CNTNAP2: variants seen among roughly 807,000 people sequenced by gnomAD.
CNTNAP2 encodes contactin associated protein 2, also known as contactin-associated protein-like 2.
In CNTNAP2, 98 loss-of-function variants were observed where a neutral mutation model predicts 155.2. That is an observed-to-expected ratio of 0.63 (90% confidence interval 0.54 to 0.75). The LOEUF (loss-of-function observed/expected upper bound fraction) is 0.75. Ranked by LOEUF, CNTNAP2 falls within the 30% of genes least tolerant of loss-of-function variation. CNTNAP2 has a pLI of 0.00. For synonymous variants in CNTNAP2, 651 were observed against 631.2 expected (o/e 1.03, Z -0.47); for missense variants, 1,727 against 1,688.1 (o/e 1.02, Z -0.40).
chr7:146,289,688 A>G lies in CNTNAP2; in HGVS notation c.97+172715A>G, dbSNP rs551974985. Among the ~76,000 whole-genome samples, 84 of 152,340 alleles carry G rather than the reference A, an allele frequency of 5.5e-4. No homozygotes were observed. In the South Asian group the frequency reaches 7.0e-3, roughly 13 times the overall value. On this transcript the variant is annotated intron_variant, in intron 1 of 23. Coordinates refer to ENST00000361727, the MANE Select transcript of CNTNAP2 (RefSeq NM_014141.6). ...TATATTCCAAATCGTATTTAAAATT[A>G]ATTTACTCTTTTATCAGAACAAAGA... is the stretch of plus-strand genomic sequence containing the variant.
chr7:147,717,322 C>G (rs1402853783), intron 13 of CNTNAP2, among the ~76,000 whole-genome samples: 1 of 152,106 alleles, frequency 6.6e-6, no homozygotes, highest in Non-Finnish European at 1.5e-5. Context: ...CATTGTAAGA[C>G]TTAACACGGC....
intron 18 of CNTNAP2, among the ~76,000 whole-genome samples, chr7:148,192,845 AT>A (rs1343824484): frequency 1.3e-5 from 2 of 152,108 alleles, no homozygotes; most frequent in African/African-American, 4.8e-5. Flanking sequence ...ATATGACTTT[AT>A]TTTTTTCCTA....
chr7:147,206,479 C>A (rs1584792724), intron 8 of CNTNAP2, among the ~76,000 whole-genome samples: 1 of 152,114 alleles, frequency 6.6e-6, no homozygotes, highest in East Asian at 1.9e-4. Flanking sequence ...ACGAGAATCA[C>A]TTGAACCTGG....
intron 21 of CNTNAP2, among the ~76,000 whole-genome samples, chr7:148,380,382 G>C (rs1730409): frequency 0.71 from 108,316 of 151,588 alleles, 39,821 homozygotes; most frequent in Admixed American, 0.8. Context: ...CTATAACTTT[G>C]TGGTGCTATC....
intron 1 of CNTNAP2, among the ~76,000 whole-genome samples, chr7:146,170,117 C>T (rs528501461): frequency 1.7e-3 from 259 of 151,038 alleles, no homozygotes; most frequent in African/African-American, 6.0e-3. Flanking sequence ...ACCTCTGCCT[C>T]CTGGGTTCAA....
chr7:148,167,488 A>G (rs1288681526), intron 17 of CNTNAP2, among the ~76,000 whole-genome samples: 1 of 152,136 alleles, frequency 6.6e-6, no homozygotes, highest in Non-Finnish European at 1.5e-5. Flanking sequence ...ACACCCAGTT[A>G]AAAGAGGGAG....
At chr7:147,806,662 C>G (rs1480589305) in intron 13 of CNTNAP2, among the ~76,000 whole-genome samples, 4 of 152,108 alleles carry the variant, frequency 2.6e-5, no homozygotes, top group African/African-American at 9.7e-5. Context: ...GAATATTATT[C>G]AACCATAAAA....
At chr7:146,861,305 G>A (rs767272149) in intron 3 of CNTNAP2, among the ~76,000 whole-genome samples, 6 of 151,908 alleles carry the variant, frequency 3.9e-5, no homozygotes, top group African/African-American at 7.3e-5. Flanking sequence ...CACCTGCCTC[G>A]GCCTCCCAAA....
chr7:147,373,281 G>A (rs895961422), intron 9 of CNTNAP2, among the ~76,000 whole-genome samples: 5 of 151,834 alleles, frequency 3.3e-5, no homozygotes, highest in Non-Finnish European at 5.9e-5. Context: ...ATTCAAAATG[G>A]CCAGTTTCAA....
chr7:147,932,536 G>A (rs543413170), intron 14 of CNTNAP2, among the ~76,000 whole-genome samples: 138 of 152,210 alleles, frequency 9.1e-4, no homozygotes, highest in Non-Finnish European at 1.0e-3. Flanking sequence ...AACCCTTACT[G>A]TACACCATAC....
intron 10 of CNTNAP2, among the ~76,000 whole-genome samples, chr7:147,482,940 G>T (rs1798449305): frequency 6.6e-6 from 1 of 150,838 alleles, no homozygotes; most frequent in Non-Finnish European, 1.5e-5. Flanking sequence ...CAGCTACTTG[G>T]GTGGCTGAGG....
intron 4 of CNTNAP2, among the ~76,000 whole-genome samples, chr7:147,095,523 GTA>G (rs762635334): frequency 2.7e-5 from 4 of 150,740 alleles, no homozygotes; most frequent in African/African-American, 4.9e-5. Context: ...ATTTATATAT[GTA>G]TATATATATA....
intron 5 of CNTNAP2, among the ~76,000 whole-genome samples, chr7:147,110,495 T>A (rs1461069965): frequency 6.6e-6 from 1 of 152,104 alleles, no homozygotes; most frequent in Non-Finnish European, 1.5e-5. Context: ...CTGGCATCCA[T>A]TAGCTATTAT....
At chr7:148,323,498 A>G (rs1797837254) in intron 21 of CNTNAP2, among the ~76,000 whole-genome samples, 1 of 151,510 alleles carries the variant, frequency 6.6e-6, no homozygotes, top group African/African-American at 2.4e-5. Context: ...GAACCCGTAT[A>G]GAGTGTCTGG....
chr7:148,251,450 T>A (rs1395062944), intron 20 of CNTNAP2, among the ~76,000 whole-genome samples: 1 of 152,094 alleles, frequency 6.6e-6, no homozygotes, highest in Non-Finnish European at 1.5e-5. Flanking sequence ...GGACATTTAC[T>A]GAGCTTCGGT....
At chr7:146,123,961 A>C (rs2116723267) in intron 1 of CNTNAP2, among the ~76,000 whole-genome samples, 1 of 152,280 alleles carries the variant, frequency 6.6e-6, no homozygotes, top group South Asian at 2.1e-4. Context: ...ACACGGATGA[A>C]GCTGGAAACC....
intron 1 of CNTNAP2, among the ~76,000 whole-genome samples, chr7:146,716,918 G>A (rs1185149393): frequency 2.0e-5 from 3 of 152,064 alleles, no homozygotes; most frequent in African/African-American, 7.2e-5. Context: ...TTAATAATCA[G>A]GAAAATTAAA....
intron 1 of CNTNAP2, among the ~76,000 whole-genome samples, chr7:146,543,381 C>T (rs1210085945): frequency 6.6e-6 from 1 of 151,744 alleles, no homozygotes; most frequent in East Asian, 1.9e-4. Context: ...AGGTATACCC[C>T]ATACCCAAGA....
chr7:146,170,942 G>A (rs751724849), intron 1 of CNTNAP2, among the ~76,000 whole-genome samples: 18 of 152,204 alleles, frequency 1.2e-4, no homozygotes, highest in East Asian at 7.7e-4. Context: ...GAGGAGAATC[G>A]CATGAACCTG....
Sources: gnomAD v4.1 joint callset for allele counts (sites outside exome capture counted in the v4.1 genomes callset) on GRCh38, gnomAD v4.1.1 for gene constraint, MANE v1.5 for transcripts, NCBI Gene and HGNC (gene_info 2026-07-23, HGNC 2026-07-21) for gene names.